The following ABCA5 variants were observed in gnomAD, a reference collection of about 807,000 sequenced individuals.
The protein encoded by ABCA5 is ATP binding cassette subfamily A member 5, also known as cholesterol transporter ABCA5.
ABCA5 carries 163 observed loss-of-function variants against 206.0 expected under a neutral mutation model. The ratio of observed to expected loss-of-function variants is 0.79; its 90% CI spans 0.70 to 0.90. The LOEUF (loss-of-function observed/expected upper bound fraction) is 0.90. Ranked by LOEUF, ABCA5 falls within the 40% of genes least tolerant of loss-of-function variation. The pLI, the probability that ABCA5 is intolerant of heterozygous loss-of-function variation, is 0.00. For synonymous variants in ABCA5, 609 were observed against 613.8 expected (o/e 0.99, Z 0.11); for missense variants, 1,859 against 1,912.9 (o/e 0.97, Z 0.53).
intron 24 of ABCA5, among the ~76,000 whole-genome samples, chr17:69,262,734 G>A (rs1426992320): frequency 6.6e-6 from 1 of 151,934 alleles, no homozygotes; most frequent in Non-Finnish European, 1.5e-5. Flanking sequence ...ATTTTCTTTT[G>A]GATATATACC....
At chr17:69,290,103 C>T in intron 12 of ABCA5, 66 bp from the exon 13 acceptor site, 1 of 1,143,384 alleles carries the variant, frequency 8.7e-7, no homozygotes, top group Non-Finnish European at 1.2e-6. Context: ...TTCAAGTATC[C>T]TGATAACTTA....
chr17:69,252,790 C>T (rs1321438584), intron 34 of ABCA5, among the ~76,000 whole-genome samples: 3 of 144,226 alleles, frequency 2.1e-5, no homozygotes, highest in Non-Finnish European at 4.5e-5. Flanking sequence ...TAAGCCAAGA[C>T]GGCACCACTG....
chr17:69,296,948 G>T (rs2075589938), intron 10 of ABCA5, among the ~76,000 whole-genome samples: 2 of 152,196 alleles, frequency 1.3e-5, no homozygotes, highest in South Asian at 4.1e-4. Context: ...CTGGGCGACA[G>T]AGCGAGATTC....
At chr17:69,280,032 T>C (rs887114602) in intron 18 of ABCA5, among the ~76,000 whole-genome samples, 3 of 152,014 alleles carry the variant, frequency 2.0e-5, no homozygotes, top group Non-Finnish European at 2.9e-5. Flanking sequence ...AATTGACAAA[T>C]GGGATCTAAT....
At chr17:69,262,654 T>G (rs557680031) in intron 24 of ABCA5, among the ~76,000 whole-genome samples, 13 of 152,330 alleles carry the variant, frequency 8.5e-5, no homozygotes, top group African/African-American at 3.1e-4. Context: ...CCTAGGTTGA[T>G]TCCATGTCTT....
At chr17:69,271,770 C>G (rs1296617477) in intron 20 of ABCA5, among the ~76,000 whole-genome samples, 1 of 152,120 alleles carries the variant, frequency 6.6e-6, no homozygotes, top group Non-Finnish European at 1.5e-5. Flanking sequence ...TTTTAGGTAA[C>G]AAGATAACCT....
rs146689980 is a variant in ABCA5, at chr17:69,253,597, T to C, written c.4391A>G (p.Asp1464Gly). Reference protein sequence around the residue: ...TLLDEPSTGMDPKAKQHMWRA... With the variant: ...TLLDEPSTGMGPKAKQHMWRA... ...CCACATGTGCTGTTTGGCTTTGGGATCCATACCTGTAGATGGTTCATCTAG... is the reference window on the plus strand; with the variant it reads ...CCACATGTGCTGTTTGGCTTTGGGACCCATACCTGTAGATGGTTCATCTAG... The change falls in exon 34 of 39, where the codon GAT (aspartate) becomes GGT (glycine). Residue 1464 changes from aspartate to glycine, a missense_variant. Transcript: ENST00000392676. 5.0e-6 allele frequency: 8 copies of C among 1,613,642 alleles called. No individual in the cohort carries two copies. The African/African-American group carries it at 5.3e-5, about 11-fold the overall frequency.
intron 14 of ABCA5, 60 bp downstream of exon 14, chr17:69,289,117 C>T: frequency 6.6e-7 from 1 of 1,522,848 alleles, no homozygotes; most frequent in Middle Eastern, 1.7e-4. Context: ...TTTCTACAAC[C>T]TGCTTTTTAA....
rs375913077 is a variant in ABCA5, at chr17:69,256,192, C to A, written c.3823G>T (p.Val1275Phe). The A allele has an allele frequency of 1.2e-6, 2 of 1,609,770 alleles. No individual in the cohort carries two copies. Among genetic ancestry groups the A allele is most frequent in the African/African-American group, 2.7e-5 (2 of 74,862 alleles). The change falls in exon 29 of 39, where the codon GTC becomes TTC. Residue 1275 changes from valine to phenylalanine, a missense_variant. Transcript: ENST00000392676. The part of the protein sequence containing the change: ...DEDVKAERLK[V>F]KELMGCQCCE... ...CACTGGCAACCCATCAGCTCTTTGA[C>A]CTTTAGTCTTTCAGCTTTGACATCT...
Position 69,297,281 on chromosome 17 carries a change from T to G in ABCA5, c.1346A>C (p.Glu449Ala). The G allele has an allele frequency of 6.2e-7, 1 of 1,613,044 alleles. No homozygotes were observed. The highest frequency in any genetic ancestry group is 2.2e-5 in the East Asian group (1 of 44,702). The change falls in exon 10 of 39, where the codon GAG becomes GCG. Residue 449 changes from glutamate to alanine, a missense_variant. Physicochemically the swap from Glu to Ala is moderately radical, Grantham distance 107. Coordinates refer to ENST00000392676, the MANE Select transcript of ABCA5 (RefSeq NM_172232.4). The part of the protein sequence containing the change: ...YWSKSKRNYE[E>A]LSEGNVNGNI... ...TCCATTAACATTGCCCTCTGATAAC[T>G]CCTCATAATTTCTTTTGCTCTTTGA...
intron 1 of ABCA5, among the ~76,000 whole-genome samples, chr17:69,320,097 T>C (rs1396250539): frequency 6.6e-6 from 1 of 152,220 alleles, no homozygotes; most frequent in Non-Finnish European, 1.5e-5. Flanking sequence ...TGGTGGCTTG[T>C]ACATGGCAAC....
Position 69,246,173 on chromosome 17 carries a change from A to G in ABCA5, c.*1364T>C, listed in dbSNP as rs1157034791. On this transcript the variant is annotated 3_prime_UTR_variant, in exon 39 of 39. Coordinates refer to ENST00000392676, the MANE Select transcript of ABCA5 (RefSeq NM_172232.4). Reference sequence around the variant, plus strand: ...GATGTCTTATTACACAATAAAGCTAAAAGTTCATTAAATTTTGCCTACATT... The same window carrying G: ...GATGTCTTATTACACAATAAAGCTAGAAGTTCATTAAATTTTGCCTACATT... 2 of 151,998 alleles carry G rather than the reference A, an allele frequency of 1.3e-5. No individual in the cohort carries two copies. Among genetic ancestry groups the G allele is most frequent in the South Asian group, 2.1e-4 (1 of 4,838 alleles). 9.4% of individuals were successfully genotyped at this position (151,998 alleles called of 1,614,324 possible).
rs1421625170 is a variant in ABCA5, at chr17:69,253,613, G to A, written c.4375C>T (p.Pro1459Ser). The A allele has an allele frequency of 1.9e-6, 3 of 1,613,812 alleles. No homozygotes were observed. In the South Asian group the frequency reaches 3.3e-5, roughly 18 times the overall value. The part of the protein sequence containing the change: ...GNPQITLLDE[P>S]STGMDPKAKQ... The stretch of plus-strand genomic sequence containing the variant: ...GCTTTGGGATCCATACCTGTAGATG[G>A]TTCATCTAGCAAAGTAATCTGAGGA... The change falls in exon 34 of 39, where the codon CCA becomes TCA. Residue 1459 changes from proline to serine, a missense_variant. Physicochemically the swap from Pro to Ser is moderately conservative, Grantham distance 74. Coordinates refer to ENST00000392676, the MANE Select transcript of ABCA5 (RefSeq NM_172232.4).
chr17:69,304,421 G>A (rs987385830), intron 7 of ABCA5: 8 of 278,920 alleles, frequency 2.9e-5, no homozygotes, highest in African/African-American at 2.0e-4. Context: ...AAAGACAACA[G>A]ATAGAGGAGT....
At chr17:69,301,669 G>A (rs1435498628) in intron 8 of ABCA5, among the ~76,000 whole-genome samples, 3 of 152,002 alleles carry the variant, frequency 2.0e-5, no homozygotes, top group Middle Eastern at 3.2e-3. Context: ...TAAGTATTAG[G>A]GAATAAAATT....
chr17:69,298,196 C>T (rs2075603446), intron 9 of ABCA5, among the ~76,000 whole-genome samples: 1 of 110,850 alleles, frequency 9.0e-6, no homozygotes, highest in Non-Finnish European at 1.8e-5. Context: ...AAAAAAGACA[C>T]AGCAAAACCC....
intron 28 of ABCA5, among the ~76,000 whole-genome samples, chr17:69,259,385 G>A (rs1201445282): frequency 6.6e-6 from 1 of 151,720 alleles, no homozygotes; most frequent in Non-Finnish European, 1.5e-5. Context: ...AACCAACTAT[G>A]GTAAAAAGCA....
In ABCA5 at chr17:69,322,955, C is replaced by T. The variant is rs554234737; in HGVS notation, c.-16+4097G>A. On this transcript the variant is annotated intron_variant, in intron 1 of 38. Transcript: ENST00000392676. ...CCTTCTTAGCATCCTTAAAAGATTT[C>T]CAGAAAGGCTAGCTGAAAATACATT... Among the ~76,000 whole-genome samples the T allele has an allele frequency of 7.9e-5, 12 of 152,238 alleles. 1 individual carries two copies. The highest frequency in any genetic ancestry group is 2.9e-4 in the African/African-American group (12 of 41,536).
chr17:69,308,396 G>A, intron 4 of ABCA5, 28 bp from the exon 5 acceptor site: 1 of 1,489,292 alleles, frequency 6.7e-7, no homozygotes, highest in Non-Finnish European at 9.4e-7. Context: ...TGAGATCTAA[G>A]ATTCTGTACA....
Sources: allele counts gnomAD v4.1 joint callset (sites outside exome capture counted in the v4.1 genomes callset), GRCh38; gene constraint gnomAD v4.1.1; transcripts MANE v1.5; gene names NCBI Gene and HGNC (gene_info 2026-07-23, HGNC 2026-07-21).